RFX7: variants seen among roughly 807,000 people sequenced by gnomAD.
RFX7 encodes the protein DNA-binding protein RFX7.
In RFX7, 26 loss-of-function variants were observed where a neutral mutation model predicts 111.8. That is an observed-to-expected ratio of 0.23 (90% CI 0.17 to 0.32). RFX7 has a LOEUF of 0.32. RFX7 is among the 10% of genes least tolerant of loss of function. The pLI is 1.00. For missense variants in RFX7, 1,573 were observed against 1,772.9 expected, an observed-to-expected ratio of 0.89 and a Z score of 2.02; for synonymous variants, 624 against 624.4, an observed-to-expected ratio of 1.00 and a Z score of 0.01.
chr15:56,118,018 T>C (rs1472495069), intron 5 of RFX7, among the ~76,000 whole-genome samples: 1 of 132,894 alleles, frequency 7.5e-6, no homozygotes, highest in African/African-American at 2.5e-5. Flanking sequence ...GATAGTCCTA[T>C]CTATCTATCT....
chr15:56,144,110 A>G (rs1595962527), intron 4 of RFX7, among the ~76,000 whole-genome samples: 3 of 152,084 alleles, frequency 2.0e-5, no homozygotes, highest in Admixed American at 1.3e-4. Context: ...TTTCTGTTCA[A>G]TTTTCACAAT....
intron 2 of RFX7, among the ~76,000 whole-genome samples, chr15:56,234,883 A>C (rs1056995276): frequency 9.2e-5 from 14 of 152,196 alleles, no homozygotes; most frequent in African/African-American, 3.4e-4. Context: ...AACTCACTAA[A>C]ATGGACTTAC....
intron 2 of RFX7, among the ~76,000 whole-genome samples, chr15:56,213,277 T>C (rs1262359982): frequency 1.3e-5 from 2 of 152,146 alleles, no homozygotes; most frequent in Non-Finnish European, 2.9e-5. Flanking sequence ...GGCCCAAAAC[T>C]GGAATCAATC....
At position 56,160,305 on chromosome 15, in the gene RFX7, T is replaced by A. The variant is rs143724116; in HGVS notation, c.196-15822A>T. On this transcript the variant is annotated intron_variant, in intron 3 of 9. Coordinates refer to ENST00000559447, the MANE Select transcript of RFX7 (RefSeq NM_022841.7). ...ATGATCAATCAGGGTATCATGTCCA[T>A]AATTAGTCCATGAAACTTTTCTTTT... Among the ~76,000 whole-genome samples, 226 of 152,158 alleles carry A rather than the reference T, an allele frequency of 1.5e-3. 1 individual carries two copies. The Middle Eastern group carries it at 0.024, about 16-fold the overall frequency.
intron 2 of RFX7, among the ~76,000 whole-genome samples, chr15:56,226,811 G>C (rs56005196): frequency 0.13 from 19,745 of 152,018 alleles, 1,659 homozygotes; most frequent in East Asian, 0.44. Context: ...GCTATAAATA[G>C]CTGAAACCCT....
In RFX7 at chr15:56,213,008, A is replaced by G. The variant is rs151213695; in HGVS notation, c.161+30117T>C. On this transcript the variant is annotated intron_variant, in intron 2 of 9. Coordinates refer to ENST00000559447, the MANE Select transcript of RFX7 (RefSeq NM_022841.7). ...ATACCTATAAGAACAGCTATTAGAG[A>G]GTGTCAATGCCAAATACTGGCAAGG... Among the ~76,000 whole-genome samples, 494 of 152,350 alleles carry G rather than the reference A, an allele frequency of 3.2e-3. 7 individuals are homozygous for G. Among genetic ancestry groups the G allele is most frequent in the African/African-American group, 0.011 (475 of 41,586 alleles).
intron 5 of RFX7, among the ~76,000 whole-genome samples, chr15:56,113,045 C>T (rs1374253295): frequency 1.2e-4 from 19 of 152,234 alleles, no homozygotes; most frequent in Admixed American, 1.0e-3. Context: ...CACTTTTACA[C>T]TGTTGGTGGG....
chr15:56,134,089 G>C (rs559982090), intron 5 of RFX7, among the ~76,000 whole-genome samples: 26 of 152,272 alleles, frequency 1.7e-4, no homozygotes, highest in African/African-American at 5.8e-4. Context: ...CACTCAGTTT[G>C]ATATTACTCA....
intron 5 of RFX7, among the ~76,000 whole-genome samples, chr15:56,107,129 C>G (rs149253279): frequency 6.6e-6 from 1 of 151,852 alleles, no homozygotes; most frequent in Non-Finnish European, 1.5e-5. Flanking sequence ...AACCCTGCCT[C>G]TACTAAAAAT....
rs869249448 is a variant in RFX7 at position 56,218,144 on chromosome 15, C to CTTTTTTTTTTTT, written c.161+24969_161+24980dup. Among the ~76,000 whole-genome samples the CTTTTTTTTTTTT allele has an allele frequency of 5.2e-5, 3 of 57,974 alleles. 1 individual carries two copies. The highest frequency in any genetic ancestry group is 1.4e-4 in the African/African-American group (2 of 13,858). 38.0% of individuals were successfully genotyped at this position (57,974 alleles called of 152,430 possible). A position where few individuals can be genotyped will look rare whatever the true frequency, so the allele number is the denominator to read the frequency against. ...TTACAAGTAATTTAGAAATGATTTT[C>CTTTTTTTTTTTT]TTTTTTTTTTTTTTTTTTTTTTTTT... On this transcript the variant is annotated intron_variant, in intron 2 of 9. Coordinates refer to ENST00000559447, the MANE Select transcript of RFX7 (RefSeq NM_022841.7).
At chr15:56,174,142 G>C (rs763302448) in intron 3 of RFX7, among the ~76,000 whole-genome samples, 2 of 151,970 alleles carry the variant, frequency 1.3e-5, no homozygotes, top group African/African-American at 2.4e-5. Flanking sequence ...GCCGGGTATG[G>C]TGGTGAGCGC....
chr15:56,215,733 T>C (rs1194957917), intron 2 of RFX7, among the ~76,000 whole-genome samples: 2 of 152,244 alleles, frequency 1.3e-5, no homozygotes, highest in African/African-American at 2.4e-5. Context: ...TATTTATTGC[T>C]GTATAATAAA....
At chr15:56,162,063 T>C (rs1043947655) in intron 3 of RFX7, among the ~76,000 whole-genome samples, 2 of 152,056 alleles carry the variant, frequency 1.3e-5, no homozygotes, top group Non-Finnish European at 2.9e-5. Context: ...CAGGTGGGGA[T>C]GGGTGGTGGT....
chr15:56,119,417 T>TC (rs1247137051), intron 5 of RFX7, among the ~76,000 whole-genome samples: 1 of 152,214 alleles, frequency 6.6e-6, no homozygotes, highest in Non-Finnish European at 1.5e-5. Flanking sequence ...TATCCAGTTT[T>TC]CCCAGCATCA....
At chr15:56,204,101 A>C (rs2043225683) in intron 2 of RFX7, among the ~76,000 whole-genome samples, 1 of 148,974 alleles carries the variant, frequency 6.7e-6, no homozygotes, top group South Asian at 2.1e-4. Flanking sequence ...GCTCATTGTA[A>C]CTTCTACCTC....
intron 3 of RFX7, among the ~76,000 whole-genome samples, chr15:56,174,936 T>C (rs1486404168): frequency 1.3e-5 from 2 of 152,216 alleles, no homozygotes; most frequent in Non-Finnish European, 2.9e-5. Context: ...AAATTCACTC[T>C]CACATTTCTA....
intron 5 of RFX7, among the ~76,000 whole-genome samples, chr15:56,136,201 T>G (rs1460079469): frequency 1.3e-5 from 2 of 150,894 alleles, no homozygotes; most frequent in East Asian, 3.9e-4. Flanking sequence ...GTAAATTACC[T>G]TGGGCAGTAT....
At chr15:56,135,648 T>C (rs1358537476) in intron 5 of RFX7, among the ~76,000 whole-genome samples, 1 of 152,172 alleles carries the variant, frequency 6.6e-6, no homozygotes, top group Non-Finnish European at 1.5e-5. Context: ...TTTTGGCTTT[T>C]GTTGCCATTG....
intron 3 of RFX7, among the ~76,000 whole-genome samples, chr15:56,157,675 G>A (rs2141073443): frequency 6.6e-6 from 1 of 152,372 alleles, no homozygotes; most frequent in Non-Finnish European, 1.5e-5. Flanking sequence ...CCACCTCCCA[G>A]GTTCAAGCAT....
Sources: allele counts gnomAD v4.1 joint callset (sites outside exome capture counted in the v4.1 genomes callset), GRCh38; gene constraint gnomAD v4.1.1; transcripts MANE v1.5; gene names NCBI Gene and HGNC (gene_info 2026-07-23, HGNC 2026-07-21).